The following PIP5K1B variants were observed in gnomAD, a reference collection of about 807,000 sequenced individuals.
PIP5K1B encodes the protein phosphatidylinositol 4-phosphate 5-kinase type-1 beta.
Under a neutral mutation model 67.0 loss-of-function variants are expected in PIP5K1B, and 42 were observed. The observed-to-expected ratio is 0.63, with a 90% CI of 0.49 to 0.81. The LOEUF (loss-of-function observed/expected upper bound fraction) is 0.81. PIP5K1B is among the 30% of genes least tolerant of loss of function. PIP5K1B has a pLI of 0.00. For missense variants in PIP5K1B, 459 were observed against 646.3 expected (o/e 0.71, Z 3.14); for synonymous variants, 214 against 231.4 (o/e 0.92, Z 0.68).
At chr9:68,876,901 G>T in intron 6 of PIP5K1B, 107 bp downstream of exon 6, 1 of 670,630 alleles carries the variant, frequency 1.5e-6, no homozygotes. Context: ...TAAAGCTCTG[G>T]GGCGTAGTAA....
chr9:68,860,238 G>A (rs1023826701), intron 4 of PIP5K1B, among the ~76,000 whole-genome samples: 1 of 150,994 alleles, frequency 6.6e-6, no homozygotes, highest in Non-Finnish European at 1.5e-5. Context: ...ATTCTACTTC[G>A]AGTTCAACAT....
At chr9:68,909,391 A>C (rs1278513854) in intron 8 of PIP5K1B, among the ~76,000 whole-genome samples, 2 of 151,468 alleles carry the variant, frequency 1.3e-5, no homozygotes, top group Admixed American at 6.6e-5. Flanking sequence ...GAATCCCTAA[A>C]AGCTAAGGAC....
intron 14 of PIP5K1B, among the ~76,000 whole-genome samples, chr9:68,950,851 G>T (rs78144948): frequency 0.033 from 5,066 of 152,244 alleles, 123 homozygotes; most frequent in African/African-American, 0.073. Flanking sequence ...CTTATCTCCT[G>T]TAATTTAAAT....
chr9:68,882,918 G>A (rs1824271200), intron 6 of PIP5K1B, among the ~76,000 whole-genome samples: 1 of 152,192 alleles, frequency 6.6e-6, no homozygotes, highest in South Asian at 2.1e-4. Context: ...ATGGGCAGTA[G>A]GCTGAGAACC....
chr9:68,890,696 C>CA lies in PIP5K1B; in HGVS notation c.471+1576dup, dbSNP rs76772005. Among the ~76,000 whole-genome samples, 614 of 111,612 alleles carry CA rather than the reference C, an allele frequency of 5.5e-3. 1 individual carries two copies. Among genetic ancestry groups the CA allele is most frequent in the Middle Eastern group, 9.8e-3 (2 of 204 alleles). The allele number at this position is 111,612 out of a possible 152,430, so 73.2% of individuals were successfully genotyped here. ...GGAGGAACAGAAAATATAGAAAAGC[C>CA]AAAAAAAAAAAAACTAACTATAGTT... On this transcript the variant is annotated intron_variant, in intron 7 of 15. Transcript: ENST00000265382.
chr9:68,951,329 G>A (rs984022666), intron 14 of PIP5K1B, among the ~76,000 whole-genome samples: 1 of 152,196 alleles, frequency 6.6e-6, no homozygotes, highest in African/African-American at 2.4e-5. Context: ...AATAATGGTA[G>A]AGTTTCTCTG....
At chr9:68,888,009 C>T (rs1459848825) in intron 6 of PIP5K1B, among the ~76,000 whole-genome samples, 7 of 146,516 alleles carry the variant, frequency 4.8e-5, no homozygotes, top group African/African-American at 1.5e-4. Context: ...AGCAGAGTCT[C>T]GCTCTGTCGC....
At chr9:68,824,595 A>T (rs1833891763) in intron 4 of PIP5K1B, among the ~76,000 whole-genome samples, 1 of 152,206 alleles carries the variant, frequency 6.6e-6, no homozygotes, top group African/African-American at 2.4e-5. Context: ...GGTTTTAAAA[A>T]GTATAAGCAA....
At chr9:68,871,289 T>C (rs1823616319) in intron 5 of PIP5K1B, among the ~76,000 whole-genome samples, 1 of 152,210 alleles carries the variant, frequency 6.6e-6, no homozygotes, top group South Asian at 2.1e-4. Context: ...AAGTCTAAGT[T>C]AAGCCATTCC....
chr9:68,884,614 G>A lies in PIP5K1B; in HGVS notation c.319-4367G>A, dbSNP rs551261495. Among the ~76,000 whole-genome samples the A allele has an allele frequency of 9.3e-5, 14 of 149,784 alleles. No individual in the cohort carries two copies. In the South Asian group the frequency reaches 1.3e-3, roughly 13 times the overall value. ...GGGGAGGTCGAGGCTACAATAAGCT[G>A]TGATCAGCCCACTGCACTTTAGCCT... is the stretch of plus-strand genomic sequence containing the variant. On this transcript the variant is annotated intron_variant, in intron 6 of 15. Coordinates refer to ENST00000265382, the MANE Select transcript of PIP5K1B (RefSeq NM_003558.4).
At chr9:68,792,771 G>A (rs954732554) in intron 2 of PIP5K1B, among the ~76,000 whole-genome samples, 1 of 152,146 alleles carries the variant, frequency 6.6e-6, no homozygotes, top group Non-Finnish European at 1.5e-5. Context: ...GAGCCACTGC[G>A]CCTGGCCCAC....
At position 68,895,484 on chromosome 9, in the gene PIP5K1B, A is replaced by G. The variant is rs569810578; in HGVS notation, c.771+846A>G. 3.0e-4 allele frequency among the ~76,000 whole-genome samples: 46 copies of G among 152,236 alleles called. 1 individual carries two copies. Among genetic ancestry groups the G allele is most frequent in the African/African-American group, 1.1e-3 (44 of 41,540 alleles). On this transcript the variant is annotated intron_variant, in intron 8 of 15. Transcript: ENST00000265382. Reference sequence around the variant, plus strand: ...TTTTCTGCACTTTCCATGGGCCTGGACGGATGACCCATGTTGTTATAGGGG... The same window carrying G: ...TTTTCTGCACTTTCCATGGGCCTGGGCGGATGACCCATGTTGTTATAGGGG...
intron 1 of PIP5K1B, chr9:68,708,000 A>G (rs1783467560): frequency 6.6e-6 from 1 of 152,116 alleles, no homozygotes; most frequent in Admixed American, 6.5e-5. Context: ...GAGGAAGGAG[A>G]CCTTTGTACC....
At chr9:68,956,647 T>C (rs1435041354) in intron 14 of PIP5K1B, among the ~76,000 whole-genome samples, 1 of 152,228 alleles carries the variant, frequency 6.6e-6, no homozygotes, top group Non-Finnish European at 1.5e-5. Flanking sequence ...ATTCATATGT[T>C]GCTAGAGAAT....
intron 2 of PIP5K1B, among the ~76,000 whole-genome samples, chr9:68,754,113 A>G (rs183801187): frequency 2.6e-5 from 4 of 151,724 alleles, no homozygotes; most frequent in African/African-American, 9.7e-5. Context: ...GTTAAGCTTT[A>G]ACATTCAGCA....
At chr9:68,911,373 C>CAAA (rs1182174351) in intron 8 of PIP5K1B, among the ~76,000 whole-genome samples, 1 of 40,816 alleles carries the variant, frequency 2.5e-5, no homozygotes. Flanking sequence ...AACTCCATCT[C>CAAA]AAATAAAAAA....
intron 4 of PIP5K1B, among the ~76,000 whole-genome samples, chr9:68,824,559 A>G (rs1407420564): frequency 6.6e-6 from 1 of 152,212 alleles, no homozygotes; most frequent in East Asian, 1.9e-4. Context: ...ATGTGTAATA[A>G]TATCAGGATC....
chr9:68,881,550 C>T (rs1277357428), intron 6 of PIP5K1B, among the ~76,000 whole-genome samples: 1 of 152,136 alleles, frequency 6.6e-6, no homozygotes, highest in African/African-American at 2.4e-5. Context: ...TGAATACCTG[C>T]GATATGTGTG....
At chr9:68,860,975 G>A (rs886548294) in intron 4 of PIP5K1B, among the ~76,000 whole-genome samples, 2 of 152,180 alleles carry the variant, frequency 1.3e-5, no homozygotes, top group African/African-American at 4.8e-5. Context: ...AATATAACCA[G>A]AAAGCACTTA....
Sources: allele counts gnomAD v4.1 joint callset (sites outside exome capture counted in the v4.1 genomes callset), GRCh38; gene constraint gnomAD v4.1.1; transcripts MANE v1.5; gene names NCBI Gene and HGNC (gene_info 2026-07-23, HGNC 2026-07-21).